Variants in SORCS3 observed in about 807,000 individuals in gnomAD.
SORCS3 encodes the protein sortilin related VPS10 domain containing receptor 3, also known as VPS10 domain-containing receptor SorCS3.
A neutral mutation model predicts 146.3 loss-of-function variants in SORCS3; 57 were observed. That is an observed-to-expected ratio of 0.39 (90% CI 0.31 to 0.49). The LOEUF is 0.49. Among genes scored for constraint, SORCS3 ranks in the 20% least tolerant of loss-of-function variants. The pLI is 0.92. For synonymous variants in SORCS3, 653 were observed against 618.5 expected, an observed-to-expected ratio of 1.06 and a Z score of -0.83; for missense variants, 1,341 against 1,575.5, an observed-to-expected ratio of 0.85 and a Z score of 2.52.
rs1408758865 is a variant in SORCS3, at chr10:105,264,735, G to A, written c.*1361G>A. The A allele has an allele frequency of 1.3e-5, 2 of 152,752 alleles. 1 individual carries two copies. The allele number at this position is 152,752 out of a possible 1,614,324, so 9.5% of individuals were successfully genotyped here. ...GCCTCTGGGGTGAGTGGCTTTCAAAGCCTTTTAGCTTTTCCAGCACCTCAG... is the reference window on the plus strand; with the variant it reads ...GCCTCTGGGGTGAGTGGCTTTCAAAACCTTTTAGCTTTTCCAGCACCTCAG... On this transcript the variant is annotated 3_prime_UTR_variant, in exon 27 of 27. Coordinates refer to ENST00000369701, the MANE Select transcript of SORCS3 (RefSeq NM_014978.3).
intron 3 of SORCS3, among the ~76,000 whole-genome samples, chr10:104,932,745 T>G (rs563978206): frequency 1.2e-4 from 19 of 152,312 alleles, no homozygotes; most frequent in African/African-American, 4.6e-4. Flanking sequence ...AAGCCTAGAG[T>G]GCAGTAGAGC....
At chr10:104,767,915 C>T (rs931972883) in intron 1 of SORCS3, among the ~76,000 whole-genome samples, 1 of 151,354 alleles carries the variant, frequency 6.6e-6, no homozygotes, top group Non-Finnish European at 1.5e-5. Flanking sequence ...TCAATAGGTG[C>T]CACTCTTTGA....
At chr10:104,857,797 T>C (rs2018351552) in intron 2 of SORCS3, among the ~76,000 whole-genome samples, 1 of 152,110 alleles carries the variant, frequency 6.6e-6, no homozygotes, top group Admixed American at 6.5e-5. Flanking sequence ...ATTCTGAAAA[T>C]GTAGAGTCTC....
chr10:104,888,170 T>C (rs2018711206), intron 2 of SORCS3, among the ~76,000 whole-genome samples: 1 of 152,254 alleles, frequency 6.6e-6, no homozygotes, highest in Non-Finnish European at 1.5e-5. Flanking sequence ...CTTTACTTTT[T>C]AGAGTCTCAT....
At chr10:104,933,915 C>T (rs907221539) in intron 3 of SORCS3, among the ~76,000 whole-genome samples, 1 of 152,168 alleles carries the variant, frequency 6.6e-6, no homozygotes, top group African/African-American at 2.4e-5. Flanking sequence ...TTGCCTCATC[C>T]TCTCGAGTAG....
intron 4 of SORCS3, among the ~76,000 whole-genome samples, chr10:104,992,048 G>A (rs2054997897): frequency 6.6e-6 from 1 of 152,210 alleles, no homozygotes; most frequent in Non-Finnish European, 1.5e-5. Context: ...GTGTGAGGGG[G>A]ACAGTAGAAG....
chr10:104,970,034 A>G (rs898306622), intron 3 of SORCS3, among the ~76,000 whole-genome samples: 3 of 152,228 alleles, frequency 2.0e-5, no homozygotes, highest in Admixed American at 2.0e-4. Context: ...ATACCTGCAT[A>G]AAATAAGCAG....
At chr10:104,713,905 G>C (rs1479170308) in intron 1 of SORCS3, among the ~76,000 whole-genome samples, 2 of 151,968 alleles carry the variant, frequency 1.3e-5, no homozygotes, top group Non-Finnish European at 2.9e-5. Context: ...TTTTTTGGAA[G>C]GTTTATTATT....
At chr10:104,810,053 A>G (rs1325059093) in intron 1 of SORCS3, among the ~76,000 whole-genome samples, 1 of 152,218 alleles carries the variant, frequency 6.6e-6, no homozygotes, top group African/African-American at 2.4e-5. Flanking sequence ...GACAGAAAGC[A>G]TGTTCTTGTT....
intron 25 of SORCS3, among the ~76,000 whole-genome samples, chr10:105,261,562 A>G (rs1259632039): frequency 2.0e-5 from 3 of 152,190 alleles, no homozygotes; most frequent in Non-Finnish European, 4.4e-5. Flanking sequence ...GATTAAAGGA[A>G]TGCAAAGGAG....
chr10:105,028,841 C>A (rs898538629), intron 4 of SORCS3, among the ~76,000 whole-genome samples: 21 of 152,284 alleles, frequency 1.4e-4, no homozygotes, highest in Middle Eastern at 3.4e-3. Flanking sequence ...AGCCAGGAGG[C>A]ACTCAGGATA....
intron 1 of SORCS3, among the ~76,000 whole-genome samples, chr10:104,773,102 G>A (rs2017271034): frequency 6.6e-6 from 1 of 152,204 alleles, no homozygotes; most frequent in Admixed American, 6.5e-5. Context: ...CATGAGCATT[G>A]AAGGAGTGGG....
At chr10:104,725,805 G>A (rs938150985) in intron 1 of SORCS3, among the ~76,000 whole-genome samples, 9 of 152,214 alleles carry the variant, frequency 5.9e-5, no homozygotes, top group East Asian at 3.8e-4. Context: ...CTGGTGTGTC[G>A]TTTGCTAAGA....
intron 9 of SORCS3, among the ~76,000 whole-genome samples, chr10:105,150,113 A>G (rs959082985): frequency 3.3e-5 from 5 of 152,284 alleles, no homozygotes; most frequent in Middle Eastern, 3.4e-3. Context: ...TTACCTTCAG[A>G]GAGTTTGCAA....
intron 4 of SORCS3, among the ~76,000 whole-genome samples, chr10:105,002,864 C>G (rs1589588718): frequency 6.6e-6 from 1 of 152,260 alleles, no homozygotes; most frequent in East Asian, 1.9e-4. Context: ...ATAGGGAGCA[C>G]AATTGGAACA....
intron 1 of SORCS3, among the ~76,000 whole-genome samples, chr10:104,673,051 G>C (rs567995870): frequency 2.0e-5 from 3 of 151,978 alleles, no homozygotes; most frequent in African/African-American, 7.2e-5. Flanking sequence ...AGTCGATTTT[G>C]TTAGATATTA....
At chr10:105,197,962 A>C (rs1028063388) in intron 14 of SORCS3, among the ~76,000 whole-genome samples, 2 of 152,172 alleles carry the variant, frequency 1.3e-5, no homozygotes, top group Non-Finnish European at 2.9e-5. Context: ...AGAACCTTGC[A>C]GCGGACTACT....
At chr10:104,877,361 A>G (rs2018586889) in intron 2 of SORCS3, among the ~76,000 whole-genome samples, 1 of 152,052 alleles carries the variant, frequency 6.6e-6, no homozygotes, top group African/African-American at 2.4e-5. Flanking sequence ...ACAGTGATCA[A>G]TGTTTCTTGT....
intron 1 of SORCS3, among the ~76,000 whole-genome samples, chr10:104,696,002 AAT>A (rs199561643): frequency 2.7e-4 from 31 of 116,828 alleles, no homozygotes; most frequent in South Asian, 8.7e-4. Context: ...ACACACATAT[AAT>A]ATATATAATA....
Sources: allele counts gnomAD v4.1 joint callset (sites outside exome capture counted in the v4.1 genomes callset), GRCh38; gene constraint gnomAD v4.1.1; transcripts MANE v1.5; gene names NCBI Gene and HGNC (gene_info 2026-07-23, HGNC 2026-07-21).